MORN3: variants seen among roughly 807,000 people sequenced by gnomAD.
The protein encoded by MORN3 is MORN repeat-containing protein 3.
MORN3 carries 38 observed loss-of-function variants against 34.7 expected under a neutral mutation model. The ratio of observed to expected loss-of-function variants is 1.10; its 90% confidence interval spans 0.85 to 1.44. MORN3 has a LOEUF of 1.44. MORN3 is among the 40% of genes most tolerant of loss of function. The pLI is 0.00. For missense variants in MORN3, 311 were observed against 321.7 expected, an observed-to-expected ratio of 0.97 and a Z score of 0.25; for synonymous variants, 109 against 115.3, an observed-to-expected ratio of 0.95 and a Z score of 0.35.
At chr12:121,667,409 C>A (rs1256996244) in intron 1 of MORN3, among the ~76,000 whole-genome samples, 10 of 151,186 alleles carry the variant, frequency 6.6e-5, no homozygotes, top group Non-Finnish European at 5.9e-5. Context: ...GTTCACCACT[C>A]GATCCAGCTA....
At chr12:121,671,620 G>A (rs910398027), upstream of MORN3, among the ~76,000 whole-genome samples, 4 of 152,036 alleles carry the variant, frequency 2.6e-5, no homozygotes, top group Admixed American at 6.6e-5. Context: ...GGTGGCACAC[G>A]CCTGTAATCC....
upstream of MORN3, among the ~76,000 whole-genome samples, chr12:121,669,832 A>ATTT (rs63366260): frequency 1.5e-5 from 2 of 133,614 alleles, no homozygotes; most frequent in African/African-American, 5.8e-5. Context: ...ATATATATAT[A>ATTT]TTTTTTTTTT....
chr12:121,654,232 G>A (rs536669833), intron 3 of MORN3, 42 bp downstream of exon 3: 5 of 1,489,686 alleles, frequency 3.4e-6, no homozygotes, highest in Non-Finnish European at 4.5e-6. Flanking sequence ...GCTGCCGGGG[G>A]CGTGGTCGGG....
At chr12:121,671,174 G>C (rs1202216703), upstream of MORN3, among the ~76,000 whole-genome samples, 2 of 150,760 alleles carry the variant, frequency 1.3e-5, no homozygotes, top group Non-Finnish European at 2.9e-5. Flanking sequence ...TTGGGAGGCC[G>C]AGGCGGGTGG....
intron 2 of MORN3, 105 bp downstream of exon 2, chr12:121,659,086 C>G: frequency 6.3e-6 from 9 of 1,427,976 alleles, no homozygotes; most frequent in Non-Finnish European, 7.6e-6. Context: ...TGTAGACCTC[C>G]CCTCTCTTTT....
intron 2 of MORN3, among the ~76,000 whole-genome samples, 182 bp from the exon 3 acceptor site, chr12:121,654,615 T>G (rs1316123777): frequency 6.6e-6 from 1 of 151,750 alleles, no homozygotes; most frequent in Admixed American, 6.6e-5. Context: ...TTGTTTGTTT[T>G]TAGACAGAGA....
Position 121,668,465 on chromosome 12 carries a change from C to A in MORN3, c.145+874G>T, listed in dbSNP as rs982470360. On this transcript the variant is annotated intron_variant, in intron 1 of 5. Coordinates refer to ENST00000355329, the MANE Select transcript of MORN3 (RefSeq NM_173855.5). ...CTGAGGCAGGAGAATCGCCTGAACT[C>A]GGGAGGTAGAGGTTGCGGTGAGCCA... Among the ~76,000 whole-genome samples, 7 of 152,226 alleles carry A rather than the reference C, an allele frequency of 4.6e-5. No homozygotes were observed. The Middle Eastern group carries it at 0.01, about 222-fold the overall frequency.
At chr12:121,669,843 T>A (rs541495826), upstream of MORN3, among the ~76,000 whole-genome samples, 66 of 140,086 alleles carry the variant, frequency 4.7e-4, 3 homozygotes, top group Admixed American at 3.6e-3. Context: ...TTTTTTTTTT[T>A]ATGTCTTCTA....
intron 5 of MORN3, among the ~76,000 whole-genome samples, chr12:121,652,383 G>T (rs1189456146): frequency 6.6e-6 from 1 of 151,998 alleles, no homozygotes; most frequent in Admixed American, 6.6e-5. Context: ...ACAGGTGCCT[G>T]CCACCACACC....
chr12:121,672,091 A>G (rs2136892768), upstream of MORN3, among the ~76,000 whole-genome samples: 1 of 152,236 alleles, frequency 6.6e-6, no homozygotes, highest in Non-Finnish European at 1.5e-5. Context: ...TCTACTCCGG[A>G]GGAGGCTGTA....
Position 121,654,365 on chromosome 12 carries a change from G to GA in MORN3, c.371_372insT (p.Gly125ArgfsTer61), listed in dbSNP as rs1566479364. 2 of 1,600,056 alleles carry GA rather than the reference G, an allele frequency of 1.2e-6. No individual in the cohort carries two copies. Among genetic ancestry groups the GA allele is most frequent in the African/African-American group, 2.7e-5 (2 of 74,750 alleles). ...TGCTGTAATACATGCGGCCCCACCC[G>GA]CTGCGCTGGCTGCCACACCAGTCAC... On this transcript the variant is annotated frameshift_variant, in exon 3 of 6. Coordinates refer to ENST00000355329, the MANE Select transcript of MORN3 (RefSeq NM_173855.5). LOFTEE classifies it high-confidence loss of function.
At chr12:121,671,836 C>T (rs575422114), upstream of MORN3, among the ~76,000 whole-genome samples, 4 of 150,950 alleles carry the variant, frequency 2.6e-5, no homozygotes, top group South Asian at 6.3e-4. Flanking sequence ...GAGCTGAGAT[C>T]TGCCACTGCA....
At chr12:121,662,484 G>A (rs553908487) in intron 1 of MORN3, among the ~76,000 whole-genome samples, 188 of 151,888 alleles carry the variant, frequency 1.2e-3, no homozygotes, top group African/African-American at 3.7e-3. Context: ...GGTCGGGTGC[G>A]GTGGCTCGTG....
At chr12:121,654,920 C>G (rs1040885785) in intron 2 of MORN3, among the ~76,000 whole-genome samples, 1 of 152,014 alleles carries the variant, frequency 6.6e-6, no homozygotes, top group Admixed American at 6.6e-5. Flanking sequence ...AGGATCTCCC[C>G]ATGCTCTGTT....
At chr12:121,669,295 G>C in intron 1 of MORN3, 44 bp downstream of exon 1, 2 of 1,607,444 alleles carry the variant, frequency 1.2e-6, no homozygotes, top group African/African-American at 2.7e-5. Context: ...TGCCCACTGT[G>C]GCTCTGACCC....
chr12:121,665,483 C>T (rs1893724503), intron 1 of MORN3, among the ~76,000 whole-genome samples: 1 of 150,396 alleles, frequency 6.6e-6, no homozygotes, highest in South Asian at 2.1e-4. Flanking sequence ...AACGCGAGGT[C>T]TTGGCCGGGC....
intron 4 of MORN3, 62 bp downstream of exon 4, chr12:121,653,012 TG>T: frequency 1.3e-6 from 2 of 1,523,156 alleles, no homozygotes; most frequent in Non-Finnish European, 8.9e-7. Flanking sequence ...TGGGCATGGC[TG>T]GGGATGCTGG....
In MORN3 at chr12:121,650,281, A is replaced by T. The variant is rs1555324896; in HGVS notation, c.*1370T>A. On this transcript the variant is annotated 3_prime_UTR_variant, in exon 6 of 6. Coordinates refer to ENST00000355329, the MANE Select transcript of MORN3 (RefSeq NM_173855.5). ...AGCAGTGGCTCACACCTGTAATCCC[A>T]GCACTTTGGGAGTCCAAGGCGGGCA... 2 of 152,216 alleles carry T rather than the reference A, an allele frequency of 1.3e-5. No individual in the cohort carries two copies. The highest frequency in any genetic ancestry group is 4.8e-5 in the African/African-American group (2 of 41,410). 9.4% of individuals were successfully genotyped at this position (152,216 alleles called of 1,614,324 possible).
intron 1 of MORN3, among the ~76,000 whole-genome samples, chr12:121,660,978 CT>C (rs974302175): frequency 2.0e-5 from 3 of 151,712 alleles, no homozygotes; most frequent in East Asian, 3.9e-4. Flanking sequence ...CTTTTTCTTT[CT>C]TTTTTTTAGA....
Sources: gnomAD v4.1 joint callset for allele counts (sites outside exome capture counted in the v4.1 genomes callset) on GRCh38, gnomAD v4.1.1 for gene constraint, MANE v1.5 for transcripts, NCBI Gene and HGNC (gene_info 2026-07-23, HGNC 2026-07-21) for gene names.